The following SLC7A7 variants were observed in gnomAD, a reference collection of about 807,000 sequenced individuals.
SLC7A7 encodes the protein Y+L amino acid transporter 1.
SLC7A7 carries 39 observed loss-of-function variants against 47.9 expected under a neutral mutation model. That is an observed-to-expected ratio of 0.81 (90% CI 0.63 to 1.06). The LOEUF is 1.06. Ranked by LOEUF, SLC7A7 falls within the 50% of genes least tolerant of loss-of-function variation. The pLI is 0.00. For missense variants in SLC7A7, 588 were observed against 632.0 expected (o/e 0.93, Z 0.75); for synonymous variants, 234 against 242.8 (o/e 0.96, Z 0.34).
intron 2 of SLC7A7, among the ~76,000 whole-genome samples, chr14:22,811,921 G>A (rs2039314356): frequency 6.6e-6 from 1 of 151,292 alleles, no homozygotes; most frequent in South Asian, 2.1e-4. Context: ...ATTCACTGGA[G>A]CATTATCTGT....
rs1358890739 is a variant in SLC7A7 at position 22,776,333 on chromosome 14, A to G, written c.771-15T>C. ...GGGGCAGGTTCCTACAGCCAAATAGAATAAAATGCACATTAGTCCCACAGT... is the reference window on the plus strand; with the variant it reads ...GGGGCAGGTTCCTACAGCCAAATAGGATAAAATGCACATTAGTCCCACAGT... On this transcript the variant is annotated splice_polypyrimidine_tract_variant and intron_variant, in intron 4 of 9. Coordinates refer to ENST00000674313, the MANE Select transcript of SLC7A7 (RefSeq NM_003982.4). The G allele has an allele frequency of 6.2e-7, 1 of 1,614,206 alleles. No individual in the cohort carries two copies. The highest frequency in any genetic ancestry group is 1.7e-5 in the Admixed American group (1 of 60,022).
rs10595226 is a variant in SLC7A7, at chr14:22,775,228, CCTTAT to C, written c.1095+211_1095+215del. ...TACAGTGTATTCCATGTACTTTTTGCCTTATCTTAGAGCAGAGGTGTACCATTCCT... is the reference window on the plus strand; with the variant it reads ...TACAGTGTATTCCATGTACTTTTTGCCTTAGAGCAGAGGTGTACCATTCCT... On this transcript the variant is annotated intron_variant, in intron 7 of 9. Coordinates refer to ENST00000674313, the MANE Select transcript of SLC7A7 (RefSeq NM_003982.4). 0.21 allele frequency among the ~76,000 whole-genome samples: 32,172 copies of C among 150,678 alleles called. 4,109 individuals are homozygous for C. The highest frequency in any genetic ancestry group is 0.38 in the Admixed American group (5,741 of 15,186).
At chr14:22,805,637 G>A (rs1188945379) in intron 2 of SLC7A7, among the ~76,000 whole-genome samples, 1 of 152,100 alleles carries the variant, frequency 6.6e-6, no homozygotes, top group Non-Finnish European at 1.5e-5. Flanking sequence ...TAGAGGGAGG[G>A]CATCAGGAAT....
chr14:22,778,886 C>T lies in SLC7A7; in HGVS notation c.677G>A (p.Gly226Asp). 6.2e-7 allele frequency: 1 copy of T among 1,614,118 alleles called. No homozygotes were observed. Among genetic ancestry groups the T allele is most frequent in the East Asian group, 2.2e-5 (1 of 44,878 alleles). The change falls in exon 4 of 10, where the codon GGT becomes GAT. Residue 226 changes from glycine to aspartate, a missense_variant. Gly to Asp is a moderately conservative substitution (Grantham distance 94, BLOSUM62 -1). Coordinates refer to ENST00000674313, the MANE Select transcript of SLC7A7 (RefSeq NM_003982.4). ...NSFEGSSFAV[G>D]DIALALYSAL... Reference sequence around the variant, plus strand: ...TGAGTACAGTGCCAGGGCAATGTCACCCACTGCAAATGATGAACCCTCAAA... The same window carrying T: ...TGAGTACAGTGCCAGGGCAATGTCATCCACTGCAAATGATGAACCCTCAAA...
intron 2 of SLC7A7, among the ~76,000 whole-genome samples, chr14:22,791,848 T>TTTTTA (rs1555323410): frequency 3.6e-5 from 5 of 137,972 alleles, no homozygotes; most frequent in South Asian, 2.2e-4. Flanking sequence ...TTTTTTTTTT[T>TTTTTA]AATTGAGATG....
rs574269415 is a variant in SLC7A7 at position 22,814,344 on chromosome 14, C to T, written c.-42-904G>A. On this transcript the variant is annotated intron_variant, in intron 1 of 9. Coordinates refer to ENST00000674313, the MANE Select transcript of SLC7A7 (RefSeq NM_003982.4). ...ACTAAAAATACAAAAATTAGCCATG[C>T]GTGGTGGCACATGCCTGTAATCCCA... Among the ~76,000 whole-genome samples, 62 of 151,768 alleles carry T rather than the reference C, an allele frequency of 4.1e-4. 1 individual carries two copies. The South Asian group carries it at 0.013, about 31-fold the overall frequency.
intron 7 of SLC7A7, among the ~76,000 whole-genome samples, chr14:22,775,181 A>C (rs2038575723): frequency 6.6e-6 from 1 of 152,074 alleles, no homozygotes; most frequent in African/African-American, 2.4e-5. Context: ...ATCACTCACT[A>C]TCTGTCATGG....
intron 8 of SLC7A7, 63 bp downstream of exon 8, chr14:22,774,291 G>A: frequency 6.2e-7 from 1 of 1,612,028 alleles, no homozygotes; most frequent in South Asian, 1.1e-5. Context: ...CTTTGTCATA[G>A]TCCCTTGTAG....
intron 2 of SLC7A7, among the ~76,000 whole-genome samples, chr14:22,786,974 A>T (rs769786927): frequency 4.6e-5 from 7 of 152,152 alleles, no homozygotes; most frequent in Non-Finnish European, 8.8e-5. Flanking sequence ...CAGATACAGG[A>T]CTTCATATTT....
chr14:22,781,134 CCCAAGGGCT>C (rs151228741), intron 2 of SLC7A7, among the ~76,000 whole-genome samples: 1,943 of 152,282 alleles, frequency 0.013, 46 homozygotes, highest in African/African-American at 0.044. Context: ...AAGCCCTTCT[CCCAAGGGCT>C]CCAAGGGCAA....
At chr14:22,813,807 T>TTTTTGG (rs1594987022) in intron 1 of SLC7A7, among the ~76,000 whole-genome samples, 3 of 145,500 alleles carry the variant, frequency 2.1e-5, no homozygotes, top group African/African-American at 5.1e-5. Context: ...TTTTTTTTTT[T>TTTTTGG]GAGATGGAGT....
At chr14:22,799,436 AT>A (rs1172660584) in intron 2 of SLC7A7, among the ~76,000 whole-genome samples, 2 of 82,542 alleles carry the variant, frequency 2.4e-5, no homozygotes, top group African/African-American at 9.0e-5. Context: ...TTTTCTTTTT[AT>A]TTTTTTCTTT....
chr14:22,813,293 CCTT>C lies in SLC7A7; in HGVS notation c.103_105del (p.Lys35del). ...CACACGCCGTTAAGCAGTGAGATCT[CCTT>C]CTTCAGCTTCACCTGCTCCGGCCCT... On this transcript the variant is annotated inframe_deletion, in exon 2 of 10. Coordinates refer to ENST00000674313, the MANE Select transcript of SLC7A7 (RefSeq NM_003982.4). The C allele has an allele frequency of 6.2e-7, 1 of 1,614,216 alleles. No homozygotes were observed. Among genetic ancestry groups the C allele is most frequent in the Non-Finnish European group, 8.5e-7 (1 of 1,180,032 alleles).
intron 2 of SLC7A7, among the ~76,000 whole-genome samples, chr14:22,788,470 C>A (rs574458177): frequency 6.6e-6 from 1 of 152,026 alleles, no homozygotes; most frequent in Admixed American, 6.6e-5. Flanking sequence ...GTTGGGAGGC[C>A]AAGGCGGGCA....
At chr14:22,811,024 C>T (rs1457687064) in intron 2 of SLC7A7, among the ~76,000 whole-genome samples, 1 of 152,050 alleles carries the variant, frequency 6.6e-6, no homozygotes, top group African/African-American at 2.4e-5. Flanking sequence ...CAACACAAAG[C>T]AGTGCCTTCC....
At position 22,773,511 on chromosome 14, in the gene SLC7A7, C is replaced by T; in HGVS notation, c.*99G>A. The T allele has an allele frequency of 2.0e-6, 2 of 986,980 alleles. No homozygotes were observed. Among genetic ancestry groups the T allele is most frequent in the Non-Finnish European group, 3.2e-6 (2 of 619,438 alleles). 61.1% of individuals were successfully genotyped at this position (986,980 alleles called of 1,614,324 possible). On this transcript the variant is annotated 3_prime_UTR_variant, in exon 10 of 10. Transcript: ENST00000674313. ...AAGCTGCCTAGGCCAGGCTTCTGGA[C>T]AGGTGCCTCCAAAGAAGTGAGCTTT...
upstream of SLC7A7, among the ~76,000 whole-genome samples, chr14:22,816,764 A>G (rs184449609): frequency 2.8e-4 from 42 of 152,282 alleles, no homozygotes; most frequent in African/African-American, 1.0e-3. Context: ...CAACCAGAGA[A>G]TAGAGATCTA....
chr14:22,778,285 T>A (rs923837908), intron 4 of SLC7A7, among the ~76,000 whole-genome samples: 2 of 152,210 alleles, frequency 1.3e-5, no homozygotes, highest in African/African-American at 4.8e-5. Flanking sequence ...CTTGACTTCC[T>A]GTCCAGTTCT....
upstream of SLC7A7, among the ~76,000 whole-genome samples, chr14:22,819,094 C>A (rs1319430043): frequency 6.6e-6 from 1 of 152,064 alleles, no homozygotes; most frequent in Non-Finnish European, 1.5e-5. Context: ...CAATGGAGCC[C>A]CTCACCCTAA....
Sources: allele counts gnomAD v4.1 joint callset (sites outside exome capture counted in the v4.1 genomes callset), GRCh38; gene constraint gnomAD v4.1.1; transcripts MANE v1.5; gene names NCBI Gene and HGNC (gene_info 2026-07-23, HGNC 2026-07-21).